The following DMXL2 variants were observed in gnomAD, a reference collection of about 807,000 sequenced individuals.
DMXL2 encodes dmX-like protein 2.
In DMXL2, 103 loss-of-function variants were observed where a neutral mutation model predicts 331.1. The observed-to-expected ratio is 0.31, with a 90% confidence interval of 0.27 to 0.37. DMXL2 has a LOEUF of 0.37. DMXL2 is among the 10% of genes least tolerant of loss of function. The pLI is 1.00. For missense variants in DMXL2, 3,171 were observed against 3,642.9 expected (o/e 0.87, Z 3.33); for synonymous variants, 1,281 against 1,252.1 (o/e 1.02, Z -0.49).
intron 19 of DMXL2, among the ~76,000 whole-genome samples, chr15:51,493,410 T>C (rs2042942278): frequency 6.6e-6 from 1 of 152,168 alleles, no homozygotes; most frequent in African/African-American, 2.4e-5. Flanking sequence ...GAAAGTAAGA[T>C]TAAGAGCAGT....
At chr15:51,455,316 CTAAA>C (rs1461507523) in intron 39 of DMXL2, 88 bp from the exon 40 acceptor site, 2 of 1,076,990 alleles carry the variant, frequency 1.9e-6, no homozygotes, top group African/African-American at 3.1e-5. Context: ...TAAGGCCCTA[CTAAA>C]TAAACATTCT....
chr15:51,619,996 A>G (rs2054529225), intron 1 of DMXL2, among the ~76,000 whole-genome samples: 1 of 152,210 alleles, frequency 6.6e-6, no homozygotes, highest in African/African-American at 2.4e-5. Context: ...TGATTGCTCT[A>G]AAATCAAGTG....
chr15:51,474,673 C>A, intron 27 of DMXL2, 81 bp from the exon 28 acceptor site: 1 of 1,380,818 alleles, frequency 7.2e-7, no homozygotes, highest in Non-Finnish European at 9.7e-7. Context: ...GCAACTTATC[C>A]AAAATTATGC....
Position 51,478,253 on chromosome 15 carries a change from T to C in DMXL2, c.6833+18A>G, listed in dbSNP as rs1222812693. The C allele has an allele frequency of 6.6e-7, 1 of 1,514,336 alleles. No homozygotes were observed. The highest frequency in any genetic ancestry group is 1.9e-5 in the Admixed American group (1 of 52,050). 93.8% of individuals were successfully genotyped at this position (1,514,336 alleles called of 1,614,324 possible). ...TGTTTTTGCTGTATTAATACTATTTTGGGTGATTTTTTTTTACCTGTAGCT... is the reference window on the plus strand; with the variant it reads ...TGTTTTTGCTGTATTAATACTATTTCGGGTGATTTTTTTTTACCTGTAGCT... On this transcript the variant is annotated intron_variant, in intron 26 of 43. Coordinates refer to ENST00000560891, the MANE Select transcript of DMXL2 (RefSeq NM_001378457.1).
chr15:51,566,222 G>T (rs1447881980), intron 3 of DMXL2, among the ~76,000 whole-genome samples: 1 of 137,498 alleles, frequency 7.3e-6, no homozygotes, highest in Non-Finnish European at 1.5e-5. Context: ...TAAAAAAAAT[G>T]TGTGTGTGGG....
chr15:51,543,005 TAGG>T lies in DMXL2; in HGVS notation c.931-501_931-499del, dbSNP rs66800888. 9.1e-3 allele frequency among the ~76,000 whole-genome samples: 1,391 copies of T among 152,268 alleles called. 21 individuals carry two copies. Among genetic ancestry groups the T allele is most frequent in the African/African-American group, 0.032 (1,334 of 41,556 alleles). The stretch of plus-strand genomic sequence containing the variant: ...GAATAACAAGGGGAACCTACTTAGA[TAGG>T]AGTAGACAAGGAAAGACCTCATTAA... On this transcript the variant is annotated intron_variant, in intron 8 of 43. Coordinates refer to ENST00000560891, the MANE Select transcript of DMXL2 (RefSeq NM_001378457.1).
chr15:51,577,382 T>C (rs572755116), intron 1 of DMXL2, among the ~76,000 whole-genome samples: 35 of 152,270 alleles, frequency 2.3e-4, no homozygotes, highest in South Asian at 4.1e-4. Flanking sequence ...AAACTTCCAA[T>C]GTTACCAAAA....
Position 51,471,141 on chromosome 15 carries a change from C to T in DMXL2, c.7392+82G>A, listed in dbSNP as rs569379923. 9.9e-6 allele frequency: 13 copies of T among 1,319,516 alleles called. No homozygotes were observed. The African/African-American group carries it at 1.8e-4, about 18-fold the overall frequency. 81.7% of individuals were successfully genotyped at this position (1,319,516 alleles called of 1,614,324 possible). On this transcript the variant is annotated intron_variant, in intron 29 of 43. Coordinates refer to ENST00000560891, the MANE Select transcript of DMXL2 (RefSeq NM_001378457.1). The stretch of plus-strand genomic sequence containing the variant: ...TGATTCAATCCAAAAGCTACCCCAT[C>T]ATTCCTATGTGAGACACATGCAAGA...
intron 29 of DMXL2, among the ~76,000 whole-genome samples, chr15:51,467,104 G>C (rs912742168): frequency 3.9e-5 from 6 of 151,940 alleles, no homozygotes; most frequent in Admixed American, 3.9e-4. Flanking sequence ...GATGAAGTCT[G>C]ATCCAGTCTG....
At chr15:51,459,760 A>G (rs62018114) in intron 33 of DMXL2, 100 bp from the exon 34 acceptor site, 119 of 1,220,664 alleles carry the variant, frequency 9.7e-5, no homozygotes, top group Non-Finnish European at 1.2e-4. Context: ...TCCACCACTT[A>G]AAGATGATAA....
intron 13 of DMXL2, among the ~76,000 whole-genome samples, chr15:51,533,647 A>G (rs1181547925): frequency 6.6e-6 from 1 of 152,236 alleles, no homozygotes; most frequent in African/African-American, 2.4e-5. Flanking sequence ...ATATATTAAA[A>G]CAAATCACCT....
In DMXL2 at chr15:51,536,755, G is replaced by A. The variant is rs151202528; in HGVS notation, c.1725C>T (p.His575=). 21 of 1,613,898 alleles carry A rather than the reference G, an allele frequency of 1.3e-5. No homozygotes were observed. Among genetic ancestry groups the A allele is most frequent in the Middle Eastern group, 1.6e-4 (1 of 6,084 alleles). The part of the protein sequence containing the change: ...YACINATKDS[H]HTLLHQEGMS... ...TCCCCTCCTGGTGTAACAGCGTGTG[G>A]TGAGAATCTTTTGTCGCATTTATAC... The change falls in exon 12 of 44, where the codon CAC becomes CAT. Residue 575 remains histidine, a synonymous_variant. Transcript: ENST00000560891.
chr15:51,598,742 T>G (rs2053014964), intron 1 of DMXL2, among the ~76,000 whole-genome samples: 2 of 152,214 alleles, frequency 1.3e-5, no homozygotes, highest in African/African-American at 4.8e-5. Context: ...TTATTGCATT[T>G]TATCAGGTGG....
At chr15:51,529,448 A>G (rs1049305399) in intron 13 of DMXL2, among the ~76,000 whole-genome samples, 3 of 152,112 alleles carry the variant, frequency 2.0e-5, no homozygotes, top group African/African-American at 7.2e-5. Flanking sequence ...AAGAAATTGA[A>G]AGGATCAACA....
intron 20 of DMXL2, among the ~76,000 whole-genome samples, chr15:51,489,831 T>C (rs1408298358): frequency 6.6e-6 from 1 of 152,230 alleles, no homozygotes; most frequent in Non-Finnish European, 1.5e-5. Context: ...ATTTATAATA[T>C]ACATTTTGAG....
intron 1 of DMXL2, 61 bp downstream of exon 1, chr15:51,622,398 G>A: frequency 1.3e-6 from 2 of 1,547,040 alleles, no homozygotes; most frequent in South Asian, 1.2e-5. Context: ...CTGGACAGGA[G>A]GTCCCTGCCC....
In DMXL2 at chr15:51,538,311, T is replaced by A. The variant is rs1475075870; in HGVS notation, c.1247A>T (p.Asp416Val). 1.2e-6 allele frequency: 2 copies of A among 1,613,940 alleles called. No individual in the cohort carries two copies. The highest frequency in any genetic ancestry group is 2.7e-5 in the African/African-American group (2 of 75,062). ...VFMHQLRKLS[D>V]KQVDHENDDA... ...ATCATTTTCATGATCTACCTGCTTA[T>A]CAGAAAGTTTTCGTAATTGATGCAT... The change falls in exon 10 of 44, where the codon GAT becomes GTT. Residue 416 changes from aspartate (D) to valine (V), a missense_variant. Physicochemically the swap from Asp to Val is radical, Grantham distance 152. Around this residue, in one of 7 missense-constraint regions of DMXL2, gnomAD observed 1,674 missense variants for 1,780.2 expected, o/e 0.94. Transcript: ENST00000560891.
At chr15:51,597,428 A>G (rs2052904796) in intron 1 of DMXL2, among the ~76,000 whole-genome samples, 1 of 152,196 alleles carries the variant, frequency 6.6e-6, no homozygotes, top group South Asian at 2.1e-4. Context: ...ATGGAATCAT[A>G]CTGTATGCTT....
At chr15:51,515,985 G>A (rs2047015400) in intron 14 of DMXL2, among the ~76,000 whole-genome samples, 1 of 152,132 alleles carries the variant, frequency 6.6e-6, no homozygotes, top group Admixed American at 6.6e-5. Context: ...AGCAATATGG[G>A]TCTGGCAGCC....
Sources: gnomAD v4.1 joint callset for allele counts (sites outside exome capture counted in the v4.1 genomes callset) on GRCh38, gnomAD v4.1.1 for gene constraint, gnomAD v4.1.1 regional missense constraint, MANE v1.5 for transcripts, NCBI Gene and HGNC (gene_info 2026-07-23, HGNC 2026-07-21) for gene names.